MYO9A: variants seen among roughly 807,000 people sequenced by gnomAD.
MYO9A encodes the protein myosin IXA.
Under a neutral mutation model 293.3 loss-of-function variants are expected in MYO9A, and 103 were observed. That is an observed-to-expected ratio of 0.35 (90% CI 0.30 to 0.41). The LOEUF (loss-of-function observed/expected upper bound fraction) is 0.41, where lower values mean the gene tolerates loss of function less well. MYO9A is among the 10% of genes least tolerant of loss of function. MYO9A has a pLI of 1.00. For synonymous variants in MYO9A, 1,001 were observed against 1,035.7 expected, an observed-to-expected ratio of 0.97 and a Z score of 0.64; for missense variants, 2,685 against 3,033.0, an observed-to-expected ratio of 0.89 and a Z score of 2.69.
At chr15:71,935,634 A>G (rs1394760005) in intron 16 of MYO9A, 150 bp from the exon 17 acceptor site, 3 of 705,372 alleles carry the variant, frequency 4.3e-6, no homozygotes, top group Non-Finnish European at 6.7e-6. Context: ...ATGACTGCCA[A>G]TCAGTTGGGA....
intron 18 of MYO9A, among the ~76,000 whole-genome samples, chr15:71,923,477 G>A (rs558014033): frequency 5.9e-5 from 9 of 152,316 alleles, no homozygotes; most frequent in Non-Finnish European, 8.8e-5. Context: ...ATTGAGCAGT[G>A]AAGCTGTCAT....
intron 19 of MYO9A, among the ~76,000 whole-genome samples, chr15:71,908,730 T>C (rs1259027526): frequency 2.6e-5 from 4 of 152,208 alleles, no homozygotes; most frequent in African/African-American, 9.7e-5. Flanking sequence ...CTTGCATTAG[T>C]GTGTTATATG....
chr15:71,896,806 A>T (rs1596133202), intron 25 of MYO9A: 1 of 152,120 alleles, frequency 6.6e-6, no homozygotes, highest in Non-Finnish European at 1.5e-5. Flanking sequence ...TTTCATTTCT[A>T]TTTATATGAA....
intron 32 of MYO9A, among the ~76,000 whole-genome samples, chr15:71,863,898 A>C (rs2141848276): frequency 6.6e-6 from 1 of 152,296 alleles, no homozygotes; most frequent in East Asian, 1.9e-4. Context: ...AACTTTACAT[A>C]TGGTAACTTA....
At chr15:71,946,326 T>TG (rs1567303686) in intron 15 of MYO9A, among the ~76,000 whole-genome samples, 1 of 152,180 alleles carries the variant, frequency 6.6e-6, no homozygotes, top group African/African-American at 2.4e-5. Flanking sequence ...AAACTTCGTG[T>TG]GGGGGGAAAA....
intron 11 of MYO9A, among the ~76,000 whole-genome samples, chr15:71,987,036 T>C (rs1310408118): frequency 1.3e-5 from 2 of 152,206 alleles, no homozygotes; most frequent in Admixed American, 1.3e-4. Flanking sequence ...CTGTATCTTT[T>C]CTATGTTTAG....
chr15:71,950,882 T>C (rs771649682), intron 15 of MYO9A, among the ~76,000 whole-genome samples: 1 of 152,200 alleles, frequency 6.6e-6, no homozygotes, highest in Non-Finnish European at 1.5e-5. Context: ...GTAGGTCCAT[T>C]ATACGCAAAT....
At chr15:72,011,837 C>T (rs566351287) in intron 6 of MYO9A, among the ~76,000 whole-genome samples, 2 of 152,282 alleles carry the variant, frequency 1.3e-5, no homozygotes, top group East Asian at 3.9e-4. Flanking sequence ...CTCTCAAGTA[C>T]TTGGTGAAGT....
At chr15:72,064,573 C>G (rs1489092528) in intron 1 of MYO9A, among the ~76,000 whole-genome samples, 1 of 152,138 alleles carries the variant, frequency 6.6e-6, no homozygotes, top group Admixed American at 6.6e-5. Flanking sequence ...GGTAATTACA[C>G]CAGTGTATAC....
rs571520712 is a variant in MYO9A at position 72,049,070 on chromosome 15, A to G, written c.-71-2436T>C. Among the ~76,000 whole-genome samples the G allele has an allele frequency of 5.3e-5, 8 of 152,344 alleles. No homozygotes were observed. The South Asian group carries it at 1.7e-3, about 32-fold the overall frequency. On this transcript the variant is annotated intron_variant, in intron 1 of 41. Coordinates refer to ENST00000356056, the MANE Select transcript of MYO9A (RefSeq NM_006901.4). The stretch of plus-strand genomic sequence containing the variant: ...GGAACTGCTCTTATGGTTATTTCAT[A>G]TCTTCCTTAGCATGAGATGAGTTCA...
intron 2 of MYO9A, among the ~76,000 whole-genome samples, chr15:72,032,936 T>G (rs995458260): frequency 9.2e-5 from 14 of 152,132 alleles, no homozygotes; most frequent in Non-Finnish European, 1.5e-5. Context: ...CTGCAACCTC[T>G]GCCTTCTGGG....
intron 3 of MYO9A, among the ~76,000 whole-genome samples, chr15:72,031,477 C>A (rs1013781772): frequency 6.6e-6 from 1 of 152,046 alleles, no homozygotes; most frequent in East Asian, 1.9e-4. Flanking sequence ...CTGAGTGAGA[C>A]CCTTCTCAAA....
At chr15:72,084,525 T>C (rs1490086399) in intron 1 of MYO9A, among the ~76,000 whole-genome samples, 1 of 152,322 alleles carries the variant, frequency 6.6e-6, no homozygotes, top group East Asian at 1.9e-4. Flanking sequence ...TGATGTTACC[T>C]GGTTGTTATG....
rs535031457 is a variant in MYO9A at position 71,993,076 on chromosome 15, C to G, written c.1587+1393G>C. Among the ~76,000 whole-genome samples, 5 of 152,214 alleles carry G rather than the reference C, an allele frequency of 3.3e-5. No individual in the cohort carries two copies. The South Asian group carries it at 1.0e-3, about 32-fold the overall frequency. ...GCCTTCTAAAAAGGAGTAGGCCAGG[C>G]CTGGTGGCTCACGCCTGTAATCCCA... is the stretch of plus-strand genomic sequence containing the variant. On this transcript the variant is annotated intron_variant, in intron 10 of 41. Transcript: ENST00000356056.
chr15:71,852,513 G>A (rs562426918), intron 35 of MYO9A, among the ~76,000 whole-genome samples: 22 of 152,106 alleles, frequency 1.4e-4, no homozygotes, highest in African/African-American at 4.8e-4. Flanking sequence ...ACGGGCATGC[G>A]CCGCCACGCT....
Position 71,830,385 on chromosome 15 carries a change from A to C in MYO9A, c.6838-74T>G, listed in dbSNP as rs997825525. 4 of 1,395,736 alleles carry C rather than the reference A, an allele frequency of 2.9e-6. No homozygotes were observed. In the African/African-American group the frequency reaches 4.3e-5, roughly 15 times the overall value. 86.5% of individuals were successfully genotyped at this position (1,395,736 alleles called of 1,614,324 possible). Reference sequence around the variant, plus strand: ...TTTTACATTGCTCTTTTAGGATAACAAGTGTATTTCCATCACACCAGGTGA... The same window carrying C: ...TTTTACATTGCTCTTTTAGGATAACCAGTGTATTTCCATCACACCAGGTGA... On this transcript the variant is annotated intron_variant, in intron 39 of 41. Coordinates refer to ENST00000356056, the MANE Select transcript of MYO9A (RefSeq NM_006901.4).
intron 19 of MYO9A, among the ~76,000 whole-genome samples, chr15:71,912,137 CTA>C (rs1235988768): frequency 6.6e-6 from 1 of 152,060 alleles, no homozygotes; most frequent in Non-Finnish European, 1.5e-5. Flanking sequence ...CTTAACAACA[CTA>C]TATTTCCACT....
At chr15:72,092,988 C>T (rs909615036) in intron 1 of MYO9A, among the ~76,000 whole-genome samples, 8 of 151,508 alleles carry the variant, frequency 5.3e-5, no homozygotes, top group Non-Finnish European at 1.2e-4. Flanking sequence ...AAGTAAAAAA[C>T]ATCAGGCCAT....
intron 13 of MYO9A, among the ~76,000 whole-genome samples, chr15:71,964,948 C>A (rs897390492): frequency 6.6e-6 from 1 of 150,880 alleles, no homozygotes; most frequent in African/African-American, 2.4e-5. Flanking sequence ...AAACAAGACT[C>A]TTGTCTCAAA....
Sources: allele counts gnomAD v4.1 joint callset (sites outside exome capture counted in the v4.1 genomes callset), GRCh38; gene constraint gnomAD v4.1.1; transcripts MANE v1.5; gene names NCBI Gene and HGNC (gene_info 2026-07-23, HGNC 2026-07-21).